Variants in NELFA observed in about 807,000 individuals in gnomAD.
NELFA encodes the protein negative elongation factor complex member A.
In NELFA, 35 loss-of-function variants were observed where a neutral mutation model predicts 51.8. The observed-to-expected ratio is 0.68, with a 90% confidence interval of 0.52 to 0.90. NELFA has a LOEUF of 0.90. NELFA is among the 40% of genes least tolerant of loss of function. The pLI is 0.00. For synonymous variants in NELFA, 417 were observed against 338.4 expected (o/e 1.23, Z -2.55); for missense variants, 658 against 746.4 (o/e 0.88, Z 1.38).
rs1728210285 is a variant in NELFA at position 1,989,486 on chromosome 4, C to A, written c.544+222G>T. Among the ~76,000 whole-genome samples, 1 of 151,978 alleles carries A rather than the reference C, an allele frequency of 6.6e-6. No homozygotes were observed. The highest frequency in any genetic ancestry group is 2.1e-4 in the South Asian group (1 of 4,818). On this transcript the variant is annotated intron_variant, in intron 3 of 10. Coordinates refer to ENST00000382882, the MANE Select transcript of NELFA (RefSeq NM_005663.5). The surrounding 1 kb of genome is among the most constrained non-coding windows in gnomAD (Gnocchi z 4.8). The stretch of plus-strand genomic sequence containing the variant: ...GGGAGCACAGGCACGCACCACCATG[C>A]CCGGCTAATGTTTTGGTACTTTTGG...
intron 1 of NELFA, among the ~76,000 whole-genome samples, chr4:2,000,948 G>C (rs1728553143): frequency 6.6e-6 from 1 of 152,132 alleles, no homozygotes; most frequent in South Asian, 2.1e-4. Context: ...TATCCACCAC[G>C]ATCAAGTGGC....
intron 1 of NELFA, among the ~76,000 whole-genome samples, chr4:2,002,037 A>AAAC: frequency 6.6e-6 from 1 of 151,580 alleles, no homozygotes; most frequent in Non-Finnish European, 1.5e-5. Context: ...TGTCTCTACT[A>AAAC]AAAATACAAA....
intron 1 of NELFA, among the ~76,000 whole-genome samples, chr4:1,998,300 C>A (rs950734537): frequency 1.3e-5 from 2 of 151,388 alleles, no homozygotes; most frequent in Non-Finnish European, 2.9e-5. Flanking sequence ...ATTGGATGGA[C>A]GAGCTGACAG....
chr4:1,983,756 C>G (rs1727982086), intron 9 of NELFA, 61 bp from the exon 10 acceptor site: 1 of 1,600,156 alleles, frequency 6.2e-7, no homozygotes, highest in South Asian at 1.1e-5. Flanking sequence ...CTGCATCCCC[C>G]TGCAGGCACC....
chr4:1,995,646 G>A (rs1728401564), intron 1 of NELFA, among the ~76,000 whole-genome samples: 1 of 151,886 alleles, frequency 6.6e-6, no homozygotes, highest in South Asian at 2.1e-4. Context: ...AAATAAAGCT[G>A]GTACATTTAT....
chr4:1,997,310 A>G (rs1195608411), intron 1 of NELFA, among the ~76,000 whole-genome samples: 1 of 152,208 alleles, frequency 6.6e-6, no homozygotes, highest in Admixed American at 6.5e-5. Flanking sequence ...TAAGGGTAGC[A>G]TAACCCCAAT....
rs1727997980 is a variant in NELFA at position 1,984,004 on chromosome 4, G to C, written c.1146C>G (p.Ser382Arg). The stretch of plus-strand genomic sequence containing the variant: ...GCGCCGCAGGCGTGGGTGTGGCAGG[G>C]CTCAGGCCGCTGTTGTACATGGGCG... ...QRAPMYNSGL[S>R]PATPTPAAPT... The change falls in exon 9 of 11, where the codon AGC becomes AGG. Residue 382 changes from serine (S) to arginine (R), a missense_variant. Coordinates refer to ENST00000382882, the MANE Select transcript of NELFA (RefSeq NM_005663.5). The C allele has an allele frequency of 2.5e-6, 4 of 1,609,046 alleles. No individual in the cohort carries two copies. Among genetic ancestry groups the C allele is most frequent in the Non-Finnish European group, 3.4e-6 (4 of 1,179,604 alleles).
chr4:1,988,084 G>C, intron 3 of NELFA, 77 bp from the exon 4 acceptor site: 2 of 1,273,732 alleles, frequency 1.6e-6, no homozygotes, highest in Admixed American at 2.1e-5. Context: ...TCTCTGTCAA[G>C]TGGATTCATC....
chr4:1,985,937 A>G (rs1728077584), intron 6 of NELFA, 73 bp from the exon 7 acceptor site: 2 of 1,412,050 alleles, frequency 1.4e-6, no homozygotes, highest in South Asian at 1.3e-5. Flanking sequence ...GCGGCAGGGA[A>G]TCAAACAGCT....
At position 1,984,047 on chromosome 4, in the gene NELFA, G is replaced by A. The variant is rs2234572; in HGVS notation, c.1103C>T (p.Ala368Val). Reference sequence around the variant, plus strand: ...CATGGGCGCCCGCTGCTTGAACTGCGCTGGCAACGTGGGGCTCGGGGCGCT... The same window carrying A: ...CATGGGCGCCCGCTGCTTGAACTGCACTGGCAACGTGGGGCTCGGGGCGCT... ...EPSAPSPTLP[A>V]QFKQRAPMYN... is the part of the protein sequence containing the mutation. The change falls in exon 9 of 11, where the codon GCG (alanine) becomes GTG (valine). Residue 368 changes from alanine to valine, a missense_variant. Physicochemically the swap from Ala to Val is moderately conservative, Grantham distance 64. Around this residue, in one of 3 missense-constraint regions of NELFA, gnomAD observed 200 missense variants for 167.9 expected, o/e 1.19. Coordinates refer to ENST00000382882, the MANE Select transcript of NELFA (RefSeq NM_005663.5). The A allele has an allele frequency of 9.4e-5, 151 of 1,605,100 alleles. No individual in the cohort carries two copies. Among genetic ancestry groups the A allele is most frequent in the Admixed American group, 2.3e-4 (14 of 59,740 alleles).
rs577230995 is a variant in NELFA, at chr4:1,989,147, T to C, written c.544+561A>G. On this transcript the variant is annotated intron_variant, in intron 3 of 10. Transcript: ENST00000382882. This position sits in a 1 kb window ranked among gnomAD's most constrained non-coding sequence, Gnocchi z 4.8. The stretch of plus-strand genomic sequence containing the variant: ...TTTTAGTAGAGACGGGGTTTCACCA[T>C]GTGGGCCAGGCTGGTCTCGATCTCC... Among the ~76,000 whole-genome samples, 42 of 152,142 alleles carry C rather than the reference T, an allele frequency of 2.8e-4. No individual in the cohort carries two copies. Among genetic ancestry groups the C allele is most frequent in the African/African-American group, 9.9e-4 (41 of 41,512 alleles).
At chr4:1,985,992 A>ACCCACGGAGAGCAGC (rs1728079479) in intron 6 of NELFA, 122 bp downstream of exon 6, 1 of 1,345,904 alleles carries the variant, frequency 7.4e-7, no homozygotes, top group Non-Finnish European at 1.0e-6. Flanking sequence ...GCAGGCACCC[A>ACCCACGGAGAGCAGC]CCCACGGAGA....
At chr4:2,002,337 C>T (rs1205015662) in intron 1 of NELFA, among the ~76,000 whole-genome samples, 1 of 152,152 alleles carries the variant, frequency 6.6e-6, no homozygotes, top group Non-Finnish European at 1.5e-5. Context: ...ATGCTATTCC[C>T]AACAAACTAC....
At position 1,987,895 on chromosome 4, in the gene NELFA, C is replaced by G. The variant is rs552881729; in HGVS notation, c.634+23G>C. 93 of 1,579,120 alleles carry G rather than the reference C, an allele frequency of 5.9e-5. No homozygotes were observed. The South Asian group carries it at 1.0e-3, about 17-fold the overall frequency. On this transcript the variant is annotated intron_variant, in intron 4 of 10. Transcript: ENST00000382882. Reference sequence around the variant, plus strand: ...AGCTCTGCCCCAAAAGCAAGGCTCACGGCACCAGGGTGGGGGCCTTACTGG... The same window carrying G: ...AGCTCTGCCCCAAAAGCAAGGCTCAGGGCACCAGGGTGGGGGCCTTACTGG...
intron 1 of NELFA, among the ~76,000 whole-genome samples, chr4:2,006,836 G>C (rs977469774): frequency 2.7e-5 from 4 of 148,722 alleles, no homozygotes; most frequent in African/African-American, 9.9e-5. Flanking sequence ...ACAACTGGGA[G>C]ATATTTGTAA....
intron 2 of NELFA, 113 bp downstream of exon 2, chr4:1,991,431 C>T (rs1192586953): frequency 3.7e-6 from 4 of 1,092,512 alleles, no homozygotes; most frequent in Non-Finnish European, 4.1e-6. Context: ...TTCTAGGGAC[C>T]AGGACACACG....
At chr4:1,984,219 C>A in intron 8 of NELFA, 106 bp from the exon 9 acceptor site, 2 of 1,334,226 alleles carry the variant, frequency 1.5e-6, no homozygotes, top group South Asian at 3.1e-5. Flanking sequence ...TGTCCTGCTA[C>A]CCTCTGACAA....
At chr4:1,998,263 C>T (rs1396354453) in intron 1 of NELFA, among the ~76,000 whole-genome samples, 2 of 151,832 alleles carry the variant, frequency 1.3e-5, no homozygotes, top group African/African-American at 4.8e-5. Context: ...AATGTCTCTC[C>T]AAAAAGGGCG....
At chr4:1,997,584 G>A (rs184767794) in intron 1 of NELFA, among the ~76,000 whole-genome samples, 9 of 152,196 alleles carry the variant, frequency 5.9e-5, no homozygotes, top group Non-Finnish European at 1.0e-4. Flanking sequence ...CACTAGGATC[G>A]CTATATCAAA....
Sources: allele counts gnomAD v4.1 joint callset (sites outside exome capture counted in the v4.1 genomes callset), GRCh38; gene constraint gnomAD v4.1.1; regional missense constraint gnomAD v4.1.1; non-coding constraint Gnocchi (gnomAD v3.1); transcripts MANE v1.5; gene names NCBI Gene and HGNC (gene_info 2026-07-23, HGNC 2026-07-21).